MYO1E: variants seen among roughly 807,000 people sequenced by gnomAD.
MYO1E encodes the protein unconventional myosin-Ie.
MYO1E carries 68 observed loss-of-function variants against 151.1 expected under a neutral mutation model. That is an observed-to-expected ratio of 0.45 (90% CI 0.37 to 0.55). The LOEUF (loss-of-function observed/expected upper bound fraction) is 0.55. MYO1E is among the 20% of genes least tolerant of loss of function. The probability of loss-of-function intolerance (pLI) is 0.00; values close to 1 mark genes in which losing one functional copy is unlikely to be tolerated. For missense variants in MYO1E, 1,363 were observed against 1,389.3 expected, an observed-to-expected ratio of 0.98 and a Z score of 0.30; for synonymous variants, 601 against 501.7, an observed-to-expected ratio of 1.20 and a Z score of -2.64.
intron 25 of MYO1E, among the ~76,000 whole-genome samples, chr15:59,157,220 C>CA (rs2079514271): frequency 6.6e-6 from 1 of 151,684 alleles, no homozygotes; most frequent in South Asian, 2.1e-4. Flanking sequence ...GACCCCATCC[C>CA]AAAAAAAGAA....
chr15:59,349,348 T>C (rs1022771010), intron 1 of MYO1E, among the ~76,000 whole-genome samples: 1 of 152,192 alleles, frequency 6.6e-6, no homozygotes, highest in Non-Finnish European at 1.5e-5. Flanking sequence ...GTCTTTAGCT[T>C]CTAGACAAGG....
At chr15:59,282,996 A>AG (rs199858740) in intron 1 of MYO1E, among the ~76,000 whole-genome samples, 1 of 100,986 alleles carries the variant, frequency 9.9e-6, no homozygotes, top group African/African-American at 3.6e-5. Flanking sequence ...GAAAGGGGAA[A>AG]GGGAAAGGCC....
intron 10 of MYO1E, 141 bp downstream of exon 10, chr15:59,217,750 A>G: frequency 1.0e-6 from 1 of 953,986 alleles, no homozygotes; most frequent in Non-Finnish European, 1.7e-6. Context: ...CTGGTCTCAA[A>G]CTCCTGGGCT....
intron 1 of MYO1E, among the ~76,000 whole-genome samples, chr15:59,324,007 C>T (rs1470029145): frequency 2.6e-5 from 4 of 151,986 alleles, no homozygotes; most frequent in Non-Finnish European, 5.9e-5. Context: ...ACGGAATCCT[C>T]GAGAGAGCTG....
rs552431649 is a variant in MYO1E, at chr15:59,247,940, G to A, written c.332+8344C>T. 1.7e-4 allele frequency among the ~76,000 whole-genome samples: 26 copies of A among 151,778 alleles called. 1 individual carries two copies. The South Asian group carries it at 5.4e-3, about 32-fold the overall frequency. Reference sequence around the variant, plus strand: ...GGTTCAAGACCAGCCTGGCCAACAGGGCGAAACCCCTTCTATACTAAAAAA... The same window carrying A: ...GGTTCAAGACCAGCCTGGCCAACAGAGCGAAACCCCTTCTATACTAAAAAA... On this transcript the variant is annotated intron_variant, in intron 4 of 27. Coordinates refer to ENST00000288235, the MANE Select transcript of MYO1E (RefSeq NM_004998.4).
intron 11 of MYO1E, 100 bp downstream of exon 11, chr15:59,214,540 T>C: frequency 2.5e-6 from 3 of 1,208,414 alleles, no homozygotes; most frequent in Non-Finnish European, 3.7e-6. Context: ...TTGTGGTTTG[T>C]TTTCTGTTTT....
rs1301548766 is a variant in MYO1E, at chr15:59,216,643, A to AGTGTGT, written c.1107+1242_1107+1247dup. Among the ~76,000 whole-genome samples, 261 of 43,476 alleles carry AGTGTGT rather than the reference A, an allele frequency of 6.0e-3. 34 individuals carry two copies. The highest frequency in any genetic ancestry group is 6.8e-3 in the African/African-American group (75 of 11,006). 28.5% of individuals were successfully genotyped at this position (43,476 alleles called of 152,430 possible). ...CTATCTTTTGGATCGAAGGGCCCCCAGTGTGTGTGTGTGTGTGTATGTGTA... is the reference window on the plus strand; with the variant it reads ...CTATCTTTTGGATCGAAGGGCCCCCAGTGTGTGTGTGTGTGTGTGTGTGTATGTGTA... On this transcript the variant is annotated intron_variant, in intron 10 of 27. Coordinates refer to ENST00000288235, the MANE Select transcript of MYO1E (RefSeq NM_004998.4).
chr15:59,265,284 A>C (rs192951933), intron 2 of MYO1E, among the ~76,000 whole-genome samples: 81 of 152,294 alleles, frequency 5.3e-4, no homozygotes, highest in African/African-American at 1.9e-3. Flanking sequence ...ACAAAGAATA[A>C]AGGGCTGCCC....
At position 59,138,491 on chromosome 15, in the gene MYO1E, GA is replaced by G. The variant is rs1361185967; in HGVS notation, c.3081-125del. On this transcript the variant is annotated intron_variant, in intron 26 of 27. Coordinates refer to ENST00000288235, the MANE Select transcript of MYO1E (RefSeq NM_004998.4). ...TTCAAATCCAGCTCCATCCTTAGAA[GA>G]CATGTGGCCCAGGGTGCAGTCTTTA... 7 of 1,051,338 alleles carry G rather than the reference GA, an allele frequency of 6.7e-6. No individual in the cohort carries two copies. The East Asian group carries it at 1.2e-4, about 18-fold the overall frequency. 65.1% of individuals were successfully genotyped at this position (1,051,338 alleles called of 1,614,324 possible).
intron 25 of MYO1E, among the ~76,000 whole-genome samples, chr15:59,157,085 G>A (rs565467931): frequency 6.6e-6 from 1 of 151,890 alleles, no homozygotes; most frequent in Non-Finnish European, 1.5e-5. Context: ...AAAGAGCCAG[G>A]TGTGGTGGTG....
chr15:59,138,462 C>A, intron 26 of MYO1E, 95 bp from the exon 27 acceptor site: 5 of 1,366,274 alleles, frequency 3.7e-6, no homozygotes, highest in Non-Finnish European at 5.2e-6. Context: ...CTGGCCTGTT[C>A]AAGTTCAAAT....
At chr15:59,353,639 C>T (rs1375391740) in intron 1 of MYO1E, among the ~76,000 whole-genome samples, 1 of 151,672 alleles carries the variant, frequency 6.6e-6, no homozygotes. Flanking sequence ...CGCCTGTAAT[C>T]CCAGCTACTC....
chr15:59,340,092 G>A (rs2080755978), intron 1 of MYO1E, among the ~76,000 whole-genome samples: 1 of 152,092 alleles, frequency 6.6e-6, no homozygotes, highest in Non-Finnish European at 1.5e-5. Flanking sequence ...CTGACCTCAG[G>A]TGATCTGCCT....
At position 59,205,411 on chromosome 15, in the gene MYO1E, C is replaced by T. The variant is rs926576252; in HGVS notation, c.1605G>A (p.Gln535=). 1 of 1,614,132 alleles carries T rather than the reference C, an allele frequency of 6.2e-7. No homozygotes were observed. Among genetic ancestry groups the T allele is most frequent in the Non-Finnish European group, 8.5e-7 (1 of 1,179,998 alleles). ...VLFMDLIELM[Q]SSELPFIKSL... is the part of the protein sequence containing the mutation. ...CAAAACATACTTACAGCTCGCTGCT[C>T]TGCATAAGCTCGATGAGATCCATAA... The change falls in exon 15 of 28, where the codon CAG becomes CAA. Residue 535 remains glutamine (Q), a synonymous_variant. Transcript: ENST00000288235.
intron 18 of MYO1E, 130 bp downstream of exon 18, chr15:59,187,988 G>T (rs1381674319): frequency 6.7e-6 from 5 of 751,298 alleles, no homozygotes; most frequent in Non-Finnish European, 1.2e-5. Flanking sequence ...TAACGGTGGT[G>T]ATAGTTGCAC....
At chr15:59,368,409 G>A (rs184947625) in intron 1 of MYO1E, among the ~76,000 whole-genome samples, 3 of 151,874 alleles carry the variant, frequency 2.0e-5, no homozygotes, top group Admixed American at 6.6e-5. Context: ...AGGACTTTGA[G>A]ACCAGCCTGG....
intron 16 of MYO1E, among the ~76,000 whole-genome samples, chr15:59,198,573 C>T (rs775249945): frequency 6.6e-5 from 10 of 152,050 alleles, no homozygotes; most frequent in African/African-American, 1.4e-4. Context: ...CTCAGCACTT[C>T]GGGAGGCTGA....
At chr15:59,311,735 G>A (rs1211167070) in intron 1 of MYO1E, among the ~76,000 whole-genome samples, 1 of 152,168 alleles carries the variant, frequency 6.6e-6, no homozygotes, top group African/African-American at 2.4e-5. Context: ...CAGTGCTGAA[G>A]GTAGAAAAAG....
At chr15:59,138,032 T>C (rs1438895580) in intron 27 of MYO1E, among the ~76,000 whole-genome samples, 166 bp downstream of exon 27, 1 of 152,096 alleles carries the variant, frequency 6.6e-6, no homozygotes, top group Non-Finnish European at 1.5e-5. Flanking sequence ...GAAAGAAGCA[T>C]TAAAAAAGCT....
Sources: gnomAD v4.1 joint callset for allele counts (sites outside exome capture counted in the v4.1 genomes callset) on GRCh38, gnomAD v4.1.1 for gene constraint, MANE v1.5 for transcripts, NCBI Gene and HGNC (gene_info 2026-07-23, HGNC 2026-07-21) for gene names.